DENND5B: variants seen among roughly 807,000 people sequenced by gnomAD.
DENND5B encodes DENN domain containing 5B, also known as DENN domain-containing protein 5B.
Under a neutral mutation model 140.6 loss-of-function variants are expected in DENND5B, and 34 were observed. That is an observed-to-expected ratio of 0.24 (90% CI 0.18 to 0.32). The LOEUF (loss-of-function observed/expected upper bound fraction) is 0.32. Among genes scored for constraint, DENND5B ranks in the 10% least tolerant of loss-of-function variants. DENND5B has a pLI of 1.00. For synonymous variants in DENND5B, 551 were observed against 562.1 expected (o/e 0.98, Z 0.28); for missense variants, 1,142 against 1,560.2 (o/e 0.73, Z 4.52).
chr12:31,433,184 G>A lies in DENND5B; in HGVS notation c.2077C>T (p.His693Tyr), dbSNP rs757177407. The A allele has an allele frequency of 1.9e-6, 3 of 1,613,888 alleles. No homozygotes were observed. The highest frequency in any genetic ancestry group is 1.7e-5 in the Admixed American group (1 of 59,994). Residue 693 changes from histidine to tyrosine, a missense_variant, in exon 8 of 21, where the codon CAT becomes TAT. By Grantham distance (83) the His-to-Tyr change is moderately conservative. Transcript: ENST00000389082. ...CTCAAGTCGTTGTCCAGCCCAACAT[G>A]CTCAGAATGCTGGCGAAGGCGTTCT... ...RKERLRQHSE[H>Y]VGLDNDLREK... is the part of the protein sequence containing the mutation.
chr12:31,521,023 T>A (rs559910812), intron 1 of DENND5B, among the ~76,000 whole-genome samples: 2 of 152,160 alleles, frequency 1.3e-5, no homozygotes, highest in East Asian at 1.9e-4. Context: ...TTTGAACTAG[T>A]CAAGTTTCAA....
chr12:31,433,863 A>T (rs183218039), intron 7 of DENND5B, among the ~76,000 whole-genome samples: 4 of 152,182 alleles, frequency 2.6e-5, no homozygotes, highest in East Asian at 3.9e-4. Context: ...CAAAAAATTT[A>T]AAAAATTAGC....
At chr12:31,392,220 A>G in intron 19 of DENND5B, 47 bp downstream of exon 19, 7 of 1,606,252 alleles carry the variant, frequency 4.4e-6, no homozygotes, top group Non-Finnish European at 6.0e-6. Flanking sequence ...TGAGTTCCTA[A>G]GAAAGGCTTC....
chr12:31,478,273 G>A (rs1386448330), intron 3 of DENND5B, among the ~76,000 whole-genome samples: 1 of 152,118 alleles, frequency 6.6e-6, no homozygotes, highest in Non-Finnish European at 1.5e-5. Context: ...AGATGGGGAA[G>A]TACAAATATA....
intron 20 of DENND5B, among the ~76,000 whole-genome samples, chr12:31,388,922 A>G (rs1940987440): frequency 6.6e-6 from 1 of 152,206 alleles, no homozygotes; most frequent in South Asian, 2.1e-4. Flanking sequence ...CTGTCGAGCC[A>G]GTATACAGTC....
At chr12:31,508,192 C>T (rs1364645760) in intron 1 of DENND5B, among the ~76,000 whole-genome samples, 1 of 152,132 alleles carries the variant, frequency 6.6e-6, no homozygotes, top group Non-Finnish European at 1.5e-5. Flanking sequence ...ACAAACTTTC[C>T]TGCTGCATGA....
Position 31,402,599 on chromosome 12 carries a change from T to C in DENND5B, c.2848A>G (p.Asn950Asp). 6.2e-7 allele frequency: 1 copy of C among 1,613,800 alleles called. No individual in the cohort carries two copies. The highest frequency in any genetic ancestry group is 8.5e-7 in the Non-Finnish European group (1 of 1,179,766). ...SVIIPIKKLS[N>D]AIITSNPWIC... Reference sequence around the variant, plus strand: ...CAAGGGTTTGATGTGATTATTGCATTGCTCAGCTTTTTGATTGGGATGATC... The same window carrying C: ...CAAGGGTTTGATGTGATTATTGCATCGCTCAGCTTTTTGATTGGGATGATC... Residue 950 changes from asparagine (N) to aspartate (D), a missense_variant, in exon 15 of 21, where the codon AAT becomes GAT. By Grantham distance (23) the Asn-to-Asp change is conservative (BLOSUM62 1). This residue lies in a region of DENND5B where 268 missense variants were observed against 349.2 expected (regional missense o/e 0.77). Coordinates refer to ENST00000389082, the MANE Select transcript of DENND5B (RefSeq NM_144973.4).
chr12:31,475,264 T>G (rs1341128320), intron 3 of DENND5B, among the ~76,000 whole-genome samples: 1 of 152,192 alleles, frequency 6.6e-6, no homozygotes, highest in Non-Finnish European at 1.5e-5. Flanking sequence ...GGCAATTTTT[T>G]GGGGTATGTC....
intron 1 of DENND5B, chr12:31,534,923 G>C (rs1363801782): frequency 3.0e-6 from 1 of 333,508 alleles, no homozygotes; most frequent in Admixed American, 4.2e-5. Flanking sequence ...GCTTTGGTTT[G>C]ATTAACTGGG....
At chr12:31,505,269 T>C (rs1947155354) in intron 1 of DENND5B, among the ~76,000 whole-genome samples, 1 of 149,684 alleles carries the variant, frequency 6.7e-6, no homozygotes, top group Non-Finnish European at 1.5e-5. Flanking sequence ...GACAGAGTCT[T>C]ACTCTGTCAC....
chr12:31,585,287 T>C (rs1156884428), intron 1 of DENND5B, among the ~76,000 whole-genome samples: 1 of 152,196 alleles, frequency 6.6e-6, no homozygotes, highest in Non-Finnish European at 1.5e-5. Context: ...CCCCAGCCCC[T>C]GAGCTACCCG....
intron 6 of DENND5B, among the ~76,000 whole-genome samples, chr12:31,444,441 A>C (rs1944184438): frequency 6.6e-6 from 1 of 152,066 alleles, no homozygotes; most frequent in South Asian, 2.1e-4. Flanking sequence ...ATGGGGTTTC[A>C]CCACATTGGC....
chr12:31,409,555 T>C (rs1216613218), intron 13 of DENND5B, among the ~76,000 whole-genome samples, 171 bp from the exon 14 acceptor site: 1 of 148,916 alleles, frequency 6.7e-6, no homozygotes, highest in Non-Finnish European at 1.5e-5. Context: ...CTCAGCTCAC[T>C]GCAAACTCTG....
At chr12:31,429,245 G>C (rs1252149681) in intron 8 of DENND5B, among the ~76,000 whole-genome samples, 1 of 152,120 alleles carries the variant, frequency 6.6e-6, no homozygotes, top group African/African-American at 2.4e-5. Flanking sequence ...CTGACCTCGT[G>C]ATCTGCCCGC....
At chr12:31,534,631 A>G (rs1462979253) in intron 1 of DENND5B, 3 of 179,830 alleles carry the variant, frequency 1.7e-5, no homozygotes, top group Admixed American at 6.1e-5. Flanking sequence ...GACGTTTTAA[A>G]TCAACTTTGT....
intron 11 of DENND5B, among the ~76,000 whole-genome samples, chr12:31,419,506 G>A (rs770071073): frequency 2.7e-5 from 4 of 150,062 alleles, no homozygotes; most frequent in Non-Finnish European, 5.9e-5. Flanking sequence ...ATTTGGAGTG[G>A]TGAATTTTAT....
At chr12:31,440,355 AT>A (rs1383818452) in intron 7 of DENND5B, among the ~76,000 whole-genome samples, 2 of 152,016 alleles carry the variant, frequency 1.3e-5, no homozygotes, top group African/African-American at 2.4e-5. Context: ...ATCTTAGCAC[AT>A]TTTTTAAGTT....
intron 1 of DENND5B, among the ~76,000 whole-genome samples, chr12:31,496,795 G>C (rs1354736828): frequency 6.6e-6 from 1 of 151,948 alleles, no homozygotes; most frequent in Non-Finnish European, 1.5e-5. Context: ...TCCTCAACCA[G>C]AGTAATTCCC....
At chr12:31,532,939 C>T (rs546729752) in intron 1 of DENND5B, among the ~76,000 whole-genome samples, 2 of 152,294 alleles carry the variant, frequency 1.3e-5, no homozygotes, top group African/African-American at 4.8e-5. Flanking sequence ...ACATTATAAA[C>T]AGGACTCTGA....
Sources: gnomAD v4.1 joint callset for allele counts (sites outside exome capture counted in the v4.1 genomes callset) on GRCh38, gnomAD v4.1.1 for gene constraint, gnomAD v4.1.1 regional missense constraint, MANE v1.5 for transcripts, NCBI Gene and HGNC (gene_info 2026-07-23, HGNC 2026-07-21) for gene names.